The following ENOX1 variants were observed in gnomAD, a reference collection of about 807,000 sequenced individuals.
ENOX1 encodes the protein candidate growth-related and time keeping constitutive hydroquinone (NADH) oxidase.
Under a neutral mutation model 82.5 loss-of-function variants are expected in ENOX1, and 42 were observed. The observed-to-expected ratio is 0.51, with a 90% confidence interval of 0.40 to 0.66. The LOEUF is 0.66. Among genes scored for constraint, ENOX1 ranks in the 30% least tolerant of loss-of-function variants. The probability of loss-of-function intolerance (pLI) is 0.00; values close to 1 mark genes in which losing one functional copy is unlikely to be tolerated. For missense variants in ENOX1, 608 were observed against 811.6 expected (o/e 0.75, Z 3.05); for synonymous variants, 271 against 282.2 (o/e 0.96, Z 0.40).
chr13:43,730,660 A>T (rs1187681815), intron 1 of ENOX1, among the ~76,000 whole-genome samples: 1 of 152,082 alleles, frequency 6.6e-6, no homozygotes, highest in Non-Finnish European at 1.5e-5. Context: ...GTACCATGTC[A>T]CATACAGGAC....
intron 1 of ENOX1, among the ~76,000 whole-genome samples, chr13:43,725,690 G>A (rs148156341): frequency 1.8e-4 from 28 of 152,006 alleles, no homozygotes; most frequent in Admixed American, 1.3e-3. Flanking sequence ...TTTTCGCCTG[G>A]CACGGTGACT....
chr13:43,334,167 C>T (rs538794218), intron 9 of ENOX1, among the ~76,000 whole-genome samples: 8 of 152,318 alleles, frequency 5.3e-5, no homozygotes, highest in African/African-American at 1.9e-4. Flanking sequence ...AGTTTGAGAA[C>T]CTCTGATTAT....
rs1484185817 is a variant in ENOX1, at chr13:43,602,625, A to AT, written c.-219+64853dup. Among the ~76,000 whole-genome samples the AT allele has an allele frequency of 3.9e-5, 6 of 152,256 alleles. No homozygotes were observed. In the East Asian group the frequency reaches 1.2e-3, roughly 29 times the overall value. On this transcript the variant is annotated intron_variant, in intron 2 of 16. Transcript: ENST00000690772. ...ATTGGACTAACCATTCTAATCCACAATTTGACAATAAATATAAAAGCCTTA... is the reference window on the plus strand; with the variant it reads ...ATTGGACTAACCATTCTAATCCACAATTTTGACAATAAATATAAAAGCCTTA...
At chr13:43,388,506 C>T (rs1478718860) in intron 5 of ENOX1, among the ~76,000 whole-genome samples, 6 of 152,246 alleles carry the variant, frequency 3.9e-5, no homozygotes, top group South Asian at 2.1e-4. Context: ...GCTAGCACTG[C>T]ACTAGGAAGT....
intron 3 of ENOX1, among the ~76,000 whole-genome samples, chr13:43,418,240 A>AT (rs1341643465): frequency 6.7e-6 from 1 of 150,048 alleles, no homozygotes. Flanking sequence ...ATATAATGTA[A>AT]TTTAAGGCTG....
chr13:43,758,244 C>CA (rs912391353), intron 1 of ENOX1, among the ~76,000 whole-genome samples: 1 of 150,594 alleles, frequency 6.6e-6, no homozygotes, highest in Non-Finnish European at 1.5e-5. Context: ...CAAAAAAAAA[C>CA]AAAAAAACAA....
chr13:43,359,734 T>G (rs931270972), intron 7 of ENOX1, 117 bp downstream of exon 7: 1 of 986,148 alleles, frequency 1.0e-6, no homozygotes. Context: ...ATTCCTCCTT[T>G]TCCAGCCCCA....
chr13:43,721,478 A>T (rs1266094633), intron 1 of ENOX1, among the ~76,000 whole-genome samples: 3 of 137,478 alleles, frequency 2.2e-5, no homozygotes, highest in Admixed American at 8.1e-5. Flanking sequence ...TCCCGGGTTC[A>T]CGCCATTCTC....
Position 43,214,204 on chromosome 13 carries a change from A to T in ENOX1, c.1801-83T>A, listed in dbSNP as rs144448358. On this transcript the variant is annotated intron_variant, in intron 16 of 16. Transcript: ENST00000690772. ...GGATTGGGGAAGGATGAGCTTTCCCAGTGATATGAACAGCATTTAGTTTTC... is the reference window on the plus strand; with the variant it reads ...GGATTGGGGAAGGATGAGCTTTCCCTGTGATATGAACAGCATTTAGTTTTC... 2.0e-3 allele frequency: 2,938 copies of T among 1,440,860 alleles called. 84 individuals are homozygous for T. In the Admixed American group the frequency reaches 0.047, roughly 23 times the overall value. The allele number at this position is 1,440,860 out of a possible 1,614,324, so 89.3% of individuals were successfully genotyped here.
At chr13:43,477,029 T>G (rs2058311544) in intron 3 of ENOX1, among the ~76,000 whole-genome samples, 1 of 144,386 alleles carries the variant, frequency 6.9e-6, no homozygotes, top group East Asian at 2.1e-4. Flanking sequence ...TCTCCATATA[T>G]TAAGAGAGAG....
intron 14 of ENOX1, among the ~76,000 whole-genome samples, chr13:43,251,197 G>A (rs948154241): frequency 2.6e-5 from 4 of 152,218 alleles, no homozygotes; most frequent in African/African-American, 7.2e-5. Flanking sequence ...AAGAAAGTTG[G>A]ATGATGTGAT....
At chr13:43,501,061 G>A (rs1186965603) in intron 2 of ENOX1, among the ~76,000 whole-genome samples, 1 of 151,590 alleles carries the variant, frequency 6.6e-6, no homozygotes, top group Non-Finnish European at 1.5e-5. Context: ...AATAATTTAA[G>A]TGGATCAAAC....
In ENOX1 at chr13:43,570,896, A is replaced by T. The variant is rs954498719; in HGVS notation, c.-218-86744T>A. Among the ~76,000 whole-genome samples the T allele has an allele frequency of 8.5e-5, 13 of 152,188 alleles. 1 individual carries two copies. Among genetic ancestry groups the T allele is most frequent in the Non-Finnish European group, 1.5e-5 (1 of 68,036 alleles). On this transcript the variant is annotated intron_variant, in intron 2 of 16. Transcript: ENST00000690772. ...TATTTTAGGCAAGATGTCCCTAGGC[A>T]AATGGTTCCATAATCCCTTTTGTTG... is the stretch of plus-strand genomic sequence containing the variant.
At chr13:43,705,305 ACTCT>A (rs33978402) in intron 1 of ENOX1, among the ~76,000 whole-genome samples, 3,643 of 132,578 alleles carry the variant, frequency 0.027, 169 homozygotes, top group African/African-American at 0.097. Context: ...ACAAACAACA[ACTCT>A]CTCTCTCTCT....
At chr13:43,381,770 T>A (rs2052067828) in intron 5 of ENOX1, among the ~76,000 whole-genome samples, 1 of 151,990 alleles carries the variant, frequency 6.6e-6, no homozygotes, top group Non-Finnish European at 1.5e-5. Context: ...CAACTTGGAA[T>A]AGATTTCTTG....
intron 2 of ENOX1, among the ~76,000 whole-genome samples, chr13:43,664,069 T>C (rs962341104): frequency 5.9e-5 from 9 of 152,228 alleles, no homozygotes; most frequent in African/African-American, 2.2e-4. Flanking sequence ...TGATAGAATT[T>C]TGAAGTATAA....
chr13:43,235,195 C>T (rs2042473318), intron 15 of ENOX1, among the ~76,000 whole-genome samples: 1 of 152,116 alleles, frequency 6.6e-6, no homozygotes, highest in African/African-American at 2.4e-5. Context: ...AGCACATCAG[C>T]ATGTCTTCTG....
At chr13:43,423,002 G>A (rs991758325) in intron 3 of ENOX1, among the ~76,000 whole-genome samples, 3 of 152,128 alleles carry the variant, frequency 2.0e-5, no homozygotes, top group South Asian at 4.2e-4. Context: ...TGGTACCATC[G>A]GAGGTTTCCA....
At chr13:43,272,134 T>C (rs1040061371) in intron 12 of ENOX1, among the ~76,000 whole-genome samples, 4 of 152,216 alleles carry the variant, frequency 2.6e-5, no homozygotes, top group African/African-American at 9.6e-5. Flanking sequence ...CTGGGATATA[T>C]GTGCAGAACG....
Sources: gnomAD v4.1 joint callset for allele counts (sites outside exome capture counted in the v4.1 genomes callset) on GRCh38, gnomAD v4.1.1 for gene constraint, MANE v1.5 for transcripts, NCBI Gene and HGNC (gene_info 2026-07-23, HGNC 2026-07-21) for gene names.